Variants in COL20A1 observed in about 807,000 individuals in gnomAD.
COL20A1 encodes the protein collagen alpha-1(XX) chain.
In COL20A1, 164 loss-of-function variants were observed where a neutral mutation model predicts 152.9. That is an observed-to-expected ratio of 1.07 (90% CI 0.94 to 1.22). The LOEUF is 1.22. Ranked by LOEUF, COL20A1 falls within the 50% of genes most tolerant of loss-of-function variation. The pLI is 0.00. For synonymous variants in COL20A1, 864 were observed against 756.0 expected (o/e 1.14, Z -2.34); for missense variants, 1,873 against 1,744.8 (o/e 1.07, Z -1.31).
Position 63,309,510 on chromosome 20 carries a change from G to A in COL20A1, c.1105+13G>A. The A allele has an allele frequency of 6.7e-7, 1 of 1,497,306 alleles. No individual in the cohort carries two copies. Among genetic ancestry groups the A allele is most frequent in the South Asian group, 1.3e-5 (1 of 79,748 alleles). The allele number at this position is 1,497,306 out of a possible 1,614,324, so 92.8% of individuals were successfully genotyped here. ...CGGCAGGGCCCAGGTGAGGGGCAGG[G>A]TCACCCGCACAGGCTGCAGCCCCCC... is the stretch of plus-strand genomic sequence containing the variant. On this transcript the variant is annotated intron_variant, in intron 9 of 35. Coordinates refer to ENST00000358894, the MANE Select transcript of COL20A1 (RefSeq NM_020882.4).
At chr20:63,294,133 G>A (rs1479739708) in intron 1 of COL20A1, among the ~76,000 whole-genome samples, 1 of 99,210 alleles carries the variant, frequency 1.0e-5, no homozygotes, top group Non-Finnish European at 2.1e-5. Flanking sequence ...GCAGGGGAGC[G>A]GAGTGTGAGG....
chr20:63,310,056 A>C, intron 10 of COL20A1, 141 bp downstream of exon 10: 1 of 853,648 alleles, frequency 1.2e-6, no homozygotes, highest in Non-Finnish European at 1.8e-6. Flanking sequence ...CTGACAGCCC[A>C]GGGACTCACT....
In COL20A1 at chr20:63,309,766, C is replaced by G; in HGVS notation, c.1114C>G (p.Pro372Ala). ...TCCCGCTACTCCAGCAGCAGCGGCTCCAGCCCTGGACACCCTCCCTGCCCC... is the reference window on the plus strand; with the variant it reads ...TCCCGCTACTCCAGCAGCAGCGGCTGCAGCCCTGGACACCCTCCCTGCCCC... Reference protein sequence around the residue: ...GSPRQGPAAAPALDTLPAPTS... With the variant: ...GSPRQGPAAAAALDTLPAPTS... The change falls in exon 10 of 36, where the codon CCA (proline) becomes GCA (alanine). Residue 372 changes from proline to alanine, a missense_variant. Coordinates refer to ENST00000358894, the MANE Select transcript of COL20A1 (RefSeq NM_020882.4). 2 of 1,582,176 alleles carry G rather than the reference C, an allele frequency of 1.3e-6. No individual in the cohort carries two copies. Among genetic ancestry groups the G allele is most frequent in the Non-Finnish European group, 1.7e-6 (2 of 1,166,332 alleles).
chr20:63,297,357 CCAGCTCAGGGGACT>C (rs1282082557), intron 2 of COL20A1, among the ~76,000 whole-genome samples: 3 of 150,638 alleles, frequency 2.0e-5, no homozygotes, highest in East Asian at 4.0e-4. Context: ...CCCAGGGGAC[CCAGCTCAGGGGACT>C]CAGCTCAGGG....
intron 34 of COL20A1, among the ~76,000 whole-genome samples, chr20:63,328,726 A>G (rs951641745): frequency 1.3e-5 from 2 of 152,206 alleles, no homozygotes; most frequent in Admixed American, 1.3e-4. Flanking sequence ...AGGGCCCTCA[A>G]GATGACCTCT....
In COL20A1 at chr20:63,316,673, A is replaced by C. The variant is rs1385636901; in HGVS notation, c.2645A>C (p.Gln882Pro). ...ACCTTCACGCTCTTCAAGGACGCCC[A>C]GCTGACAAGACGGGTCAGGTGTGAG... is the stretch of plus-strand genomic sequence containing the variant. ...TPTFTLFKDAQLTRRVSDVYP... is the reference protein window; with the variant it reads ...TPTFTLFKDAPLTRRVSDVYP... Residue 882 changes from glutamine to proline, a missense_variant, in exon 21 of 36, where the codon CAG becomes CCG. By Grantham distance (76) the Gln-to-Pro change is moderately conservative (BLOSUM62 -1). Coordinates refer to ENST00000358894, the MANE Select transcript of COL20A1 (RefSeq NM_020882.4). 1.9e-6 allele frequency: 3 copies of C among 1,570,250 alleles called. No homozygotes were observed. Among genetic ancestry groups the C allele is most frequent in the Non-Finnish European group, 2.6e-6 (3 of 1,158,780 alleles).
rs778730125 is a variant in COL20A1, at chr20:63,325,634, C to T, written c.3349-34C>T. ...GGGCCACCTCTGGATGTGACCCTGG[C>T]CCCTGCCTGGCCGGCCCCTCTGTTC... On this transcript the variant is annotated intron_variant, in intron 28 of 35. Transcript: ENST00000358894. 25 of 1,593,422 alleles carry T rather than the reference C, an allele frequency of 1.6e-5. No homozygotes were observed. The Admixed American group carries it at 4.3e-4, about 28-fold the overall frequency.
chr20:63,293,725 C>A (rs1218698717), intron 1 of COL20A1, among the ~76,000 whole-genome samples: 1 of 152,080 alleles, frequency 6.6e-6, no homozygotes, highest in Non-Finnish European at 1.5e-5. Flanking sequence ...GCCTCCTGTT[C>A]CAATGCCTGG....
intron 19 of COL20A1, among the ~76,000 whole-genome samples, chr20:63,314,991 G>A (rs1230797078): frequency 3.4e-5 from 5 of 147,836 alleles, no homozygotes; most frequent in African/African-American, 1.0e-4. Flanking sequence ...CAGCCTGCCC[G>A]CACACCAGGC....
In COL20A1 at chr20:63,325,717, C is replaced by T; in HGVS notation, c.3398C>T (p.Pro1133Leu). 1 of 1,611,812 alleles carries T rather than the reference C, an allele frequency of 6.2e-7. No individual in the cohort carries two copies. Among genetic ancestry groups the T allele is most frequent in the Non-Finnish European group, 8.5e-7 (1 of 1,179,352 alleles). ...GIPGRVGLQG[P>L]KGMRGLEGTA... ...CCCGGGAGAGTTGGCCTCCAGGGAC[C>T]AAAGGTGCCGGCTCTGGGCTTGGAG... Residue 1133 changes from proline (P) to leucine (L), a missense_variant, in exon 29 of 36, where the codon CCA (proline) becomes CTA (leucine). Physicochemically the swap from Pro to Leu is moderately conservative, Grantham distance 98. Transcript: ENST00000358894.
chr20:63,330,298 G>A (rs559299135), intron 35 of COL20A1, among the ~76,000 whole-genome samples: 16 of 152,262 alleles, frequency 1.1e-4, no homozygotes, highest in African/African-American at 2.6e-4. Flanking sequence ...GGGCCAGAGC[G>A]TGGCGCAGGG....
intron 3 of COL20A1, among the ~76,000 whole-genome samples, chr20:63,299,968 T>C (rs2067846293): frequency 1.3e-5 from 2 of 151,940 alleles, no homozygotes; most frequent in Non-Finnish European, 2.9e-5. Context: ...GAGTGCACAG[T>C]GCAGTGGCAC....
chr20:63,296,420 T>C (rs1338753452), intron 2 of COL20A1, among the ~76,000 whole-genome samples: 2 of 152,226 alleles, frequency 1.3e-5, no homozygotes, highest in African/African-American at 4.8e-5. Flanking sequence ...GGCCATTGAG[T>C]CCCTGAGGAC....
In COL20A1 at chr20:63,311,947, C is replaced by A; in HGVS notation, c.1695C>A (p.Phe565Leu). The A allele has an allele frequency of 6.3e-7, 1 of 1,586,046 alleles. No homozygotes were observed. The highest frequency in any genetic ancestry group is 1.1e-5 in the South Asian group (1 of 87,404). The stretch of plus-strand genomic sequence containing the variant: ...TGGCCCCCCCGAGACACCTGGGCTT[C>A]TCAGACGTGAGCCACGACGCGGCAC... ...PTLAPPRHLG[F>L]SDVSHDAARV... The change falls in exon 14 of 36, where the codon TTC (phenylalanine) becomes TTA (leucine). Residue 565 changes from phenylalanine (F) to leucine (L), a missense_variant. Phe to Leu is a conservative substitution (Grantham distance 22, BLOSUM62 0). Coordinates refer to ENST00000358894, the MANE Select transcript of COL20A1 (RefSeq NM_020882.4). The surrounding 1 kb of genome is among the most constrained non-coding windows in gnomAD (Gnocchi z 4.4).
At chr20:63,317,455 C>T (rs951127674) in intron 21 of COL20A1, among the ~76,000 whole-genome samples, 10 of 138,434 alleles carry the variant, frequency 7.2e-5, no homozygotes, top group African/African-American at 2.7e-4. Flanking sequence ...CAGAGCAATA[C>T]TCCGTCCCTT....
In COL20A1 at chr20:63,313,658, A is replaced by T; in HGVS notation, c.2210-85A>T. On this transcript the variant is annotated intron_variant, in intron 17 of 35. Coordinates refer to ENST00000358894, the MANE Select transcript of COL20A1 (RefSeq NM_020882.4). The surrounding 1 kb of genome is among the most constrained non-coding windows in gnomAD (Gnocchi z 5.9). ...GTGGAGGCATTACGCAGAGCAGGGT[A>T]GGGGCTGGGCAGCTGGTCCTCTGGC... is the stretch of plus-strand genomic sequence containing the variant. The T allele has an allele frequency of 7.7e-7, 1 of 1,305,514 alleles. No homozygotes were observed. The highest frequency in any genetic ancestry group is 1.0e-6 in the Non-Finnish European group (1 of 969,276). 80.9% of individuals were successfully genotyped at this position (1,305,514 alleles called of 1,614,324 possible).
In COL20A1 at chr20:63,332,884, AGGATGGCAAGGGAG is replaced by A. The variant is rs1042828028; in HGVS notation, c.*2169_*2182del. 3.3e-5 allele frequency: 5 copies of A among 152,170 alleles called. No individual in the cohort carries two copies. Among genetic ancestry groups the A allele is most frequent in the African/African-American group, 1.2e-4 (5 of 41,418 alleles). The allele number at this position is 152,170 out of a possible 1,614,324, so 9.4% of individuals were successfully genotyped here. A position where few individuals can be genotyped will look rare whatever the true frequency, so the allele number is the denominator to read the frequency against. On this transcript the variant is annotated 3_prime_UTR_variant, in exon 36 of 36. Transcript: ENST00000358894. ...TGGAGCTGAGTACGAATCAAAGGTG[AGGATGGCAAGGGAG>A]CTGAGAGCAGCCTCCGGATGCACCA... is the stretch of plus-strand genomic sequence containing the variant.
chr20:63,305,386 G>A lies in COL20A1; in HGVS notation c.194-31G>A. The A allele has an allele frequency of 1.4e-6, 2 of 1,455,494 alleles. No individual in the cohort carries two copies. The highest frequency in any genetic ancestry group is 1.8e-6 in the Non-Finnish European group (2 of 1,104,674). 90.2% of individuals were successfully genotyped at this position (1,455,494 alleles called of 1,614,324 possible). On this transcript the variant is annotated intron_variant, in intron 3 of 35. Transcript: ENST00000358894. The surrounding 1 kb of genome is among the most constrained non-coding windows in gnomAD (Gnocchi z 4.9). ...ACAGATGCACACACGTGTGCACCTT[G>A]GCCTCTAAAGCTCTCCCCACCCCTA... is the stretch of plus-strand genomic sequence containing the variant.
At chr20:63,307,086 C>T (rs371431916) in intron 5 of COL20A1, among the ~76,000 whole-genome samples, 15 of 152,360 alleles carry the variant, frequency 9.8e-5, no homozygotes, top group East Asian at 7.7e-4. Context: ...TGCAAAACCC[C>T]GGGGAGCGCC....
Sources: allele counts gnomAD v4.1 joint callset (sites outside exome capture counted in the v4.1 genomes callset), GRCh38; gene constraint gnomAD v4.1.1; non-coding constraint Gnocchi (gnomAD v3.1); transcripts MANE v1.5; gene names NCBI Gene and HGNC (gene_info 2026-07-23, HGNC 2026-07-21).